Variants in HIVEP2 observed in about 807,000 individuals in gnomAD.
HIVEP2 encodes the protein HIVEP zinc finger 2.
In HIVEP2, 14 loss-of-function variants were observed where a neutral mutation model predicts 180.7. That is an observed-to-expected ratio of 0.08 (90% CI 0.05 to 0.12). The LOEUF (loss-of-function observed/expected upper bound fraction) is 0.12. Among genes scored for constraint, HIVEP2 ranks in the 10% least tolerant of loss-of-function variants. HIVEP2 has a pLI of 1.00. For synonymous variants in HIVEP2, 1,184 were observed against 1,136.4 expected, an observed-to-expected ratio of 1.04 and a Z score of -0.84; for missense variants, 2,579 against 3,008.5, an observed-to-expected ratio of 0.86 and a Z score of 3.34.
intron 1 of HIVEP2, among the ~76,000 whole-genome samples, chr6:142,905,074 T>C (rs938196091): frequency 6.6e-5 from 10 of 152,204 alleles, no homozygotes; most frequent in African/African-American, 2.2e-4. Flanking sequence ...GATATTACAA[T>C]TTATCTTTTT....
intron 2 of HIVEP2, among the ~76,000 whole-genome samples, chr6:142,810,256 G>A (rs1185128709): frequency 6.6e-6 from 1 of 151,860 alleles, no homozygotes; most frequent in Non-Finnish European, 1.5e-5. Context: ...AGTAAATGTT[G>A]ATATATTTTT....
intron 1 of HIVEP2, among the ~76,000 whole-genome samples, chr6:142,909,872 A>C (rs1414714512): frequency 6.6e-6 from 1 of 152,178 alleles, no homozygotes; most frequent in East Asian, 1.9e-4. Context: ...AGCTACTGAG[A>C]TGCTTACATT....
Position 142,771,562 on chromosome 6 carries a change from A to C in HIVEP2, c.3177T>G (p.Ala1059=). The change falls in exon 5 of 10, where the codon GCT becomes GCG. Residue 1059 remains alanine, a synonymous_variant. Transcript: ENST00000367603. This position sits in a 1 kb window ranked among gnomAD's most constrained non-coding sequence, Gnocchi z 5.4. The part of the protein sequence containing the change: ...KSFDYGNLSH[A]PVSGAAASTV... ...TGGAGGCTGCTGCTCCCGACACAGGAGCATGGGACAGATTCCCATAATCAA... is the reference window on the plus strand; with the variant it reads ...TGGAGGCTGCTGCTCCCGACACAGGCGCATGGGACAGATTCCCATAATCAA... 1 of 1,614,008 alleles carries C rather than the reference A, an allele frequency of 6.2e-7. No homozygotes were observed. The highest frequency in any genetic ancestry group is 8.5e-7 in the Non-Finnish European group (1 of 1,180,036).
intron 1 of HIVEP2, among the ~76,000 whole-genome samples, chr6:142,869,291 C>T (rs1312290643): frequency 6.6e-6 from 1 of 152,144 alleles, no homozygotes; most frequent in Non-Finnish European, 1.5e-5. Flanking sequence ...CTACCTACCT[C>T]TTCCCTGAAA....
intron 1 of HIVEP2, among the ~76,000 whole-genome samples, chr6:142,909,756 T>A (rs1777357116): frequency 6.6e-6 from 1 of 152,254 alleles, no homozygotes; most frequent in South Asian, 2.1e-4. Context: ...GATAACAGTA[T>A]CATATGGGGC....
At chr6:142,866,642 A>G (rs1776145609) in intron 1 of HIVEP2, among the ~76,000 whole-genome samples, 1 of 152,168 alleles carries the variant, frequency 6.6e-6, no homozygotes, top group African/African-American at 2.4e-5. Context: ...AGTAATTCCA[A>G]AAGAAATAGG....
chr6:142,777,247 C>T (rs908269721), intron 3 of HIVEP2, among the ~76,000 whole-genome samples: 3 of 152,016 alleles, frequency 2.0e-5, no homozygotes, highest in Admixed American at 6.5e-5. Context: ...AATTATGGCT[C>T]AATGATAAAA....
chr6:142,841,373 G>GGAACTTCAAATGGAACTTAAAATGGAAC (rs1419084432), intron 1 of HIVEP2, among the ~76,000 whole-genome samples: 2 of 151,986 alleles, frequency 1.3e-5, no homozygotes, highest in Non-Finnish European at 2.9e-5. Flanking sequence ...TGGAACTTTT[G>GGAACTTCAAATGGAACTTAAAATGGAAC]TTCAGACTGC....
At chr6:142,821,515 T>A (rs1241461834) in intron 2 of HIVEP2, among the ~76,000 whole-genome samples, 1 of 152,208 alleles carries the variant, frequency 6.6e-6, no homozygotes, top group Non-Finnish European at 1.5e-5. Flanking sequence ...GCCTCAGTCT[T>A]TTCATCCAGA....
chr6:142,790,030 C>A (rs1240495247), intron 2 of HIVEP2, among the ~76,000 whole-genome samples: 1 of 152,112 alleles, frequency 6.6e-6, no homozygotes, highest in African/African-American at 2.4e-5. Flanking sequence ...TAATTTACAA[C>A]CAATTTTCAG....
At chr6:142,898,808 T>C (rs941182933) in intron 1 of HIVEP2, among the ~76,000 whole-genome samples, 1 of 152,204 alleles carries the variant, frequency 6.6e-6, no homozygotes, top group Non-Finnish European at 1.5e-5. Flanking sequence ...TCAATTTCCC[T>C]CACCCTTCAC....
chr6:142,818,553 C>T (rs1019937298), intron 2 of HIVEP2, among the ~76,000 whole-genome samples: 2 of 151,394 alleles, frequency 1.3e-5, no homozygotes, highest in African/African-American at 2.4e-5. Context: ...CCTGTAATCC[C>T]AGCTACTTGG....
chr6:142,897,965 C>T (rs968336022), intron 1 of HIVEP2, among the ~76,000 whole-genome samples: 1 of 152,126 alleles, frequency 6.6e-6, no homozygotes, highest in African/African-American at 2.4e-5. Flanking sequence ...GAGCTTAGTA[C>T]ACACCTGCTC....
chr6:142,937,046 G>C (rs1441022080), intron 1 of HIVEP2, among the ~76,000 whole-genome samples: 2 of 152,254 alleles, frequency 1.3e-5, no homozygotes, highest in Non-Finnish European at 1.5e-5. Flanking sequence ...AAGTTCGAGT[G>C]GGGTAAGGGG....
rs768721723 is a variant in HIVEP2, at chr6:142,770,274, G to C, written c.4465C>G (p.Arg1489Gly). Residue 1489 changes from arginine (R) to glycine (G), a missense_variant, in exon 5 of 10, where the codon CGC becomes GGC. Arg to Gly is a moderately radical substitution (Grantham distance 125). Transcript: ENST00000367603. This position sits in a 1 kb window ranked among gnomAD's most constrained non-coding sequence, Gnocchi z 4.7. ...CGAACCAGCTGGGGTTTCTGGGGGCGGGAGAGGTCCTTTTTGATGTCTGAG... is the reference window on the plus strand; with the variant it reads ...CGAACCAGCTGGGGTTTCTGGGGGCCGGAGAGGTCCTTTTTGATGTCTGAG... ...TNSDIKKDLSRPQKPQLVRQG... is the reference protein window; with the variant it reads ...TNSDIKKDLSGPQKPQLVRQG... The C allele has an allele frequency of 2.1e-5, 34 of 1,614,080 alleles. No homozygotes were observed. The Admixed American group carries it at 3.0e-4, about 14-fold the overall frequency.
At chr6:142,839,436 C>A (rs1018652118) in intron 1 of HIVEP2, among the ~76,000 whole-genome samples, 1 of 152,066 alleles carries the variant, frequency 6.6e-6, no homozygotes, top group African/African-American at 2.4e-5. Context: ...ATCAGAAAAT[C>A]TAAGGACATC....
intron 1 of HIVEP2, among the ~76,000 whole-genome samples, chr6:142,920,789 C>T (rs547505376): frequency 3.9e-5 from 6 of 152,080 alleles, no homozygotes; most frequent in Admixed American, 3.9e-4. Context: ...CCAGATCAGC[C>T]TAAGCAACAT....
At position 142,921,745 on chromosome 6, in the gene HIVEP2, T is replaced by A. The variant is rs75129724; in HGVS notation, c.-641+23354A>T. ...GTAGTTAATCCTAATCTGAAATAAC[T>A]AGGGAGAAAAAGGATTGTCAAACTT... On this transcript the variant is annotated intron_variant, in intron 1 of 9. Transcript: ENST00000367603. 8.4e-3 allele frequency among the ~76,000 whole-genome samples: 1,283 copies of A among 152,288 alleles called. 79 individuals carry two copies. The East Asian group carries it at 0.17, about 20-fold the overall frequency.
chr6:142,762,339 T>C (rs1253439783), intron 7 of HIVEP2, among the ~76,000 whole-genome samples: 1 of 152,154 alleles, frequency 6.6e-6, no homozygotes, highest in Non-Finnish European at 1.5e-5. Context: ...TATATGTGTA[T>C]ATACATGTGT....
Sources: allele counts gnomAD v4.1 joint callset (sites outside exome capture counted in the v4.1 genomes callset), GRCh38; gene constraint gnomAD v4.1.1; non-coding constraint Gnocchi (gnomAD v3.1); transcripts MANE v1.5; gene names NCBI Gene and HGNC (gene_info 2026-07-23, HGNC 2026-07-21).